MED21: variants seen among roughly 807,000 people sequenced by gnomAD.
MED21 encodes mediator complex subunit 21.
In MED21, 9 loss-of-function variants were observed where a neutral mutation model predicts 18.2. The ratio of observed to expected loss-of-function variants is 0.49; its 90% CI spans 0.30 to 0.86. The LOEUF is 0.86. MED21 is among the 40% of genes least tolerant of loss of function. The probability of loss-of-function intolerance (pLI) is 0.07; values close to 1 mark genes in which losing one functional copy is unlikely to be tolerated. For synonymous variants in MED21, 73 were observed against 60.5 expected (o/e 1.21, Z -0.96); for missense variants, 150 against 170.9 (o/e 0.88, Z 0.68).
At chr12:27,027,815 T>C (rs1231349126) in intron 3 of MED21, among the ~76,000 whole-genome samples, 1 of 152,210 alleles carries the variant, frequency 6.6e-6, no homozygotes, top group Non-Finnish European at 1.5e-5. Context: ...ATGAGATCTC[T>C]GCCTTCATGA....
intron 1 of MED21, among the ~76,000 whole-genome samples, chr12:27,026,102 A>G (rs996417316): frequency 2.6e-5 from 4 of 152,220 alleles, no homozygotes; most frequent in Non-Finnish European, 5.9e-5. Flanking sequence ...GTGGCTTACA[A>G]TAAGTATTGG....
At chr12:27,033,413 C>G, downstream of MED21, among the ~76,000 whole-genome samples, 1 of 152,148 alleles carries the variant, frequency 6.6e-6, no homozygotes, top group East Asian at 1.9e-4. Context: ...AAAGGCTCGA[C>G]CCATCATCAT....
At chr12:27,024,030 A>G (rs1406456579) in intron 1 of MED21, among the ~76,000 whole-genome samples, 1 of 152,228 alleles carries the variant, frequency 6.6e-6, no homozygotes, top group Non-Finnish European at 1.5e-5. Flanking sequence ...CTACGATGTC[A>G]CTAGGCAATA....
chr12:27,034,328 A>G (rs527414915), downstream of MED21, among the ~76,000 whole-genome samples: 495 of 152,270 alleles, frequency 3.3e-3, 1 homozygote, highest in African/African-American at 0.011. Context: ...AGGCTAAGGC[A>G]GGAGAATCGG....
chr12:27,030,451 A>G lies in MED21; in HGVS notation c.*1990A>G. The G allele has an allele frequency of 2.7e-6, 1 of 368,076 alleles. No homozygotes were observed. The allele number at this position is 368,076 out of a possible 1,614,324, so 22.8% of individuals were successfully genotyped here. A position where few individuals can be genotyped will look rare whatever the true frequency, so the allele number is the denominator to read the frequency against. On this transcript the variant is annotated 3_prime_UTR_variant, in exon 4 of 4. Coordinates refer to ENST00000282892, the MANE Select transcript of MED21 (RefSeq NM_004264.5). Reference sequence around the variant, plus strand: ...AGCGACACAGATTTTTCCCTAAAAAACTACAGATTATTTTCAAAAGCATTA... The same window carrying G: ...AGCGACACAGATTTTTCCCTAAAAAGCTACAGATTATTTTCAAAAGCATTA...
rs139372404 is a variant in MED21, at chr12:27,024,864, G to C, written c.43-1556G>C. Among the ~76,000 whole-genome samples the C allele has an allele frequency of 2.7e-3, 410 of 152,298 alleles. 1 individual carries two copies. The highest frequency in any genetic ancestry group is 9.1e-3 in the African/African-American group (377 of 41,556). ...ATGAATTGAGTATTTTCAGCTTCAG[G>C]TTCTGATGTAAATTGGAATATGGAG... On this transcript the variant is annotated intron_variant, in intron 1 of 3. Transcript: ENST00000282892.
chr12:27,027,694 C>A (rs1323551330), intron 3 of MED21, among the ~76,000 whole-genome samples: 1 of 152,144 alleles, frequency 6.6e-6, no homozygotes, highest in African/African-American at 2.4e-5. Flanking sequence ...TGTTTAGGGC[C>A]ATGTTGAGGG....
At chr12:27,035,888 G>A (rs1179625269) in intron 2 of MED21, among the ~76,000 whole-genome samples, 45 of 151,656 alleles carry the variant, frequency 3.0e-4, no homozygotes, top group Non-Finnish European at 2.9e-5. Flanking sequence ...GAATAGTGCC[G>A]CAATAGACAT....
At chr12:27,037,423 A>C (rs1290227629) in intron 2 of MED21, 2 of 151,998 alleles carry the variant, frequency 1.3e-5, no homozygotes, top group East Asian at 1.9e-4. Context: ...CTAATTGAAT[A>C]CCCTTTATTT....
At position 27,027,205 on chromosome 12, in the gene MED21, G is replaced by C. The variant is rs1457016829; in HGVS notation, c.158-142G>C. ...GCCTCCCAAAGTGCTGGGATTACAG[G>C]CGTGAGCCACCACGCCTGGCCGAAT... is the stretch of plus-strand genomic sequence containing the variant. On this transcript the variant is annotated intron_variant, in intron 2 of 3. Transcript: ENST00000282892. 3 of 505,552 alleles carry C rather than the reference G, an allele frequency of 5.9e-6. No individual in the cohort carries two copies. In the East Asian group the frequency reaches 1.2e-4, roughly 20 times the overall value. 31.3% of individuals were successfully genotyped at this position (505,552 alleles called of 1,614,324 possible). A position where few individuals can be genotyped will look rare whatever the true frequency, so the allele number is the denominator to read the frequency against.
Position 27,030,083 on chromosome 12 carries a change from T to G in MED21, c.*1622T>G. 1 of 470,072 alleles carries G rather than the reference T, an allele frequency of 2.1e-6. No homozygotes were observed. The highest frequency in any genetic ancestry group is 3.2e-5 in the East Asian group (1 of 31,100). 29.1% of individuals were successfully genotyped at this position (470,072 alleles called of 1,614,324 possible). On this transcript the variant is annotated 3_prime_UTR_variant, in exon 4 of 4. Transcript: ENST00000282892. ...ACATTTGTTATTTGAAAGAAAAAAA[T>G]TAACGTTGTTGTATGTGATTCTCTG...
At chr12:27,027,139 G>T (rs1045749182) in intron 2 of MED21, among the ~76,000 whole-genome samples, 30 of 152,144 alleles carry the variant, frequency 2.0e-4, no homozygotes, top group Non-Finnish European at 3.4e-4. Context: ...ATGTTGGTCA[G>T]GCTGGTCTCA....
In MED21 at chr12:27,028,694, T is replaced by C; in HGVS notation, c.*233T>C. The C allele has an allele frequency of 8.4e-7, 1 of 1,189,092 alleles. No homozygotes were observed. Among genetic ancestry groups the C allele is most frequent in the Non-Finnish European group, 1.0e-6 (1 of 954,908 alleles). 73.7% of individuals were successfully genotyped at this position (1,189,092 alleles called of 1,614,324 possible). On this transcript the variant is annotated 3_prime_UTR_variant, in exon 4 of 4. Transcript: ENST00000282892. ...ATCATTTTTTAACTGAGTGAAATTA[T>C]TAAGGCATGTAATACATTAATGAAC...
At chr12:27,031,520 T>C (rs556714697), downstream of MED21, among the ~76,000 whole-genome samples, 7 of 152,240 alleles carry the variant, frequency 4.6e-5, no homozygotes, top group Admixed American at 3.3e-4. Context: ...TGACTACAAG[T>C]GATAAGTAAC....
chr12:27,029,116 A>G lies in MED21; in HGVS notation c.*655A>G. 2 of 985,278 alleles carry G rather than the reference A, an allele frequency of 2.0e-6. No homozygotes were observed. Among genetic ancestry groups the G allele is most frequent in the Non-Finnish European group, 2.4e-6 (2 of 829,892 alleles). 61.0% of individuals were successfully genotyped at this position (985,278 alleles called of 1,614,324 possible). On this transcript the variant is annotated 3_prime_UTR_variant, in exon 4 of 4. Coordinates refer to ENST00000282892, the MANE Select transcript of MED21 (RefSeq NM_004264.5). ...AAAGAATTTTTCTACATCCTGAACTATTTTTCCTATTTCTTTTCACCTTGC... is the reference window on the plus strand; with the variant it reads ...AAAGAATTTTTCTACATCCTGAACTGTTTTTCCTATTTCTTTTCACCTTGC...
intron 2 of MED21, chr12:27,037,573 A>G (rs1170582131): frequency 1.3e-5 from 2 of 152,250 alleles, no homozygotes; most frequent in African/African-American, 2.4e-5. Flanking sequence ...ATGGAAAAAT[A>G]GCAAATTAGA....
rs1237088046 is a variant in MED21 at position 27,035,873 on chromosome 12, A to G, written n.146+8426A>G. Reference sequence around the variant, plus strand: ...TTTGGGTTAGTTCCAAGTCTTTGCTATTGTGAATAGTGCCGCAATAGACAT... The same window carrying G: ...TTTGGGTTAGTTCCAAGTCTTTGCTGTTGTGAATAGTGCCGCAATAGACAT... On this transcript the variant is annotated intron_variant and non_coding_transcript_variant, in intron 2 of 4. Coordinates refer to the MED21 transcript ENST00000538186. 7.9e-5 allele frequency among the ~76,000 whole-genome samples: 12 copies of G among 151,588 alleles called. No individual in the cohort carries two copies. The South Asian group carries it at 2.1e-3, about 26-fold the overall frequency.
chr12:27,030,895 T>C (rs1379474993), downstream of MED21: 1 of 152,296 alleles, frequency 6.6e-6, no homozygotes, highest in African/African-American at 2.4e-5. Flanking sequence ...TCCCGTCATC[T>C]TCATTGAATT....
chr12:27,026,674 T>C, intron 2 of MED21, 140 bp downstream of exon 2: 2 of 702,172 alleles, frequency 2.8e-6, no homozygotes, highest in South Asian at 3.4e-5. Flanking sequence ...TTGTTTGTTG[T>C]AAAAAATTTA....
Sources: gnomAD v4.1 joint callset for allele counts (sites outside exome capture counted in the v4.1 genomes callset) on GRCh38, gnomAD v4.1.1 for gene constraint, MANE v1.5 for transcripts, NCBI Gene and HGNC (gene_info 2026-07-23, HGNC 2026-07-21) for gene names.